TBC1D4: variants seen among roughly 807,000 people sequenced by gnomAD.
TBC1D4 encodes the protein TBC1 domain family member 4, also known as TBC (Tre-2, BUB2, CDC16) domain-containing protein.
TBC1D4 carries 121 observed loss-of-function variants against 142.5 expected under a neutral mutation model. The observed-to-expected ratio is 0.85, with a 90% CI of 0.73 to 0.99. The LOEUF is 0.99. Among genes scored for constraint, TBC1D4 ranks in the 50% least tolerant of loss-of-function variants. The pLI is 0.00. For synonymous variants in TBC1D4, 630 were observed against 628.2 expected (o/e 1.00, Z -0.04); for missense variants, 1,475 against 1,606.6 (o/e 0.92, Z 1.40).
intron 17 of TBC1D4, 98 bp from the exon 18 acceptor site, chr13:75,295,111 T>C: frequency 8.9e-6 from 10 of 1,121,824 alleles, no homozygotes; most frequent in Non-Finnish European, 1.3e-5. Context: ...TAATAACAAA[T>C]TCACATATAT....
intron 4 of TBC1D4, among the ~76,000 whole-genome samples, chr13:75,351,478 TTACATATGTA>T (rs1244308887): frequency 2.0e-5 from 3 of 152,082 alleles, no homozygotes; most frequent in Non-Finnish European, 2.9e-5. Flanking sequence ...TGCAGGTTAG[TTACATATGTA>T]TACATGCGCC....
At chr13:75,304,653 C>T (rs977909774) in intron 15 of TBC1D4, among the ~76,000 whole-genome samples, 8 of 151,932 alleles carry the variant, frequency 5.3e-5, no homozygotes, top group African/African-American at 1.9e-4. Context: ...ATAGGATGCT[C>T]TGGGCTTAAA....
chr13:75,429,704 A>G (rs919723763), intron 1 of TBC1D4, among the ~76,000 whole-genome samples: 4 of 152,208 alleles, frequency 2.6e-5, no homozygotes, highest in African/African-American at 9.6e-5. Context: ...GGAGAAAAGA[A>G]AAAACAAAAC....
chr13:75,459,969 C>T (rs1220071276), intron 1 of TBC1D4, among the ~76,000 whole-genome samples: 1 of 151,914 alleles, frequency 6.6e-6, no homozygotes, highest in African/African-American at 2.4e-5. Flanking sequence ...GGTGAAAACT[C>T]GTCTCTACTA....
chr13:75,449,545 ACACACACACAGACGCG>A (rs1404010612), intron 1 of TBC1D4, among the ~76,000 whole-genome samples: 12 of 151,048 alleles, frequency 7.9e-5, no homozygotes, highest in African/African-American at 2.7e-4. Context: ...ACACACACAC[ACACACACACAGACGCG>A]CACACACACA....
At chr13:75,413,412 G>A (rs1017670157) in intron 1 of TBC1D4, among the ~76,000 whole-genome samples, 6 of 152,028 alleles carry the variant, frequency 3.9e-5, no homozygotes, top group South Asian at 2.1e-4. Context: ...TGCCTGCCTC[G>A]GTCTCCCAAA....
At chr13:75,299,654 C>T in intron 16 of TBC1D4, 80 bp from the exon 17 acceptor site, 1 of 1,523,198 alleles carries the variant, frequency 6.6e-7, no homozygotes, top group Non-Finnish European at 9.0e-7. Flanking sequence ...ATTCAGTGAC[C>T]TCCAAGAATA....
At chr13:75,426,342 G>C (rs1383022257) in intron 1 of TBC1D4, among the ~76,000 whole-genome samples, 2 of 152,172 alleles carry the variant, frequency 1.3e-5, no homozygotes, top group South Asian at 2.1e-4. Flanking sequence ...TAATGTTTAA[G>C]TCACAGATCA....
intron 1 of TBC1D4, among the ~76,000 whole-genome samples, chr13:75,398,607 G>A (rs1884922227): frequency 6.6e-6 from 1 of 152,172 alleles, no homozygotes; most frequent in Non-Finnish European, 1.5e-5. Context: ...TAAAGTATGG[G>A]AGAAGCAAGA....
At chr13:75,358,160 T>C (rs1278276777) in intron 3 of TBC1D4, among the ~76,000 whole-genome samples, 2 of 152,148 alleles carry the variant, frequency 1.3e-5, no homozygotes, top group Non-Finnish European at 2.9e-5. Flanking sequence ...GTATTTGGCA[T>C]AAGGCCCACC....
chr13:75,465,101 T>C (rs1252724019), intron 1 of TBC1D4, among the ~76,000 whole-genome samples: 3 of 152,146 alleles, frequency 2.0e-5, no homozygotes, highest in Non-Finnish European at 1.5e-5. Context: ...CATTTTGCCA[T>C]CCCCATATTA....
At chr13:75,423,293 T>C (rs1886243785) in intron 1 of TBC1D4, among the ~76,000 whole-genome samples, 1 of 152,134 alleles carries the variant, frequency 6.6e-6, no homozygotes, top group African/African-American at 2.4e-5. Context: ...TGGTAAGTTT[T>C]CAGAAAATAT....
chr13:75,465,198 CA>C (rs1373891546), intron 1 of TBC1D4, among the ~76,000 whole-genome samples: 2 of 152,178 alleles, frequency 1.3e-5, no homozygotes, highest in African/African-American at 4.8e-5. Context: ...AGTCGGATTC[CA>C]GAGTCCAGGA....
chr13:75,301,340 C>T (rs1277608376), intron 16 of TBC1D4, among the ~76,000 whole-genome samples: 1 of 151,998 alleles, frequency 6.6e-6, no homozygotes, highest in Non-Finnish European at 1.5e-5. Context: ...ATTTGAAAAT[C>T]AGCATTTAAG....
At chr13:75,333,586 C>A (rs1879945435) in intron 8 of TBC1D4, among the ~76,000 whole-genome samples, 1 of 152,154 alleles carries the variant, frequency 6.6e-6, no homozygotes, top group Admixed American at 6.5e-5. Context: ...AGCTCCACCA[C>A]CCTGAAATAC....
rs1036830202 is a variant in TBC1D4, at chr13:75,293,070, G to A, written c.3317-799C>T. On this transcript the variant is annotated intron_variant, in intron 18 of 20. Transcript: ENST00000377636. ...CTCGGGAGGCTGAGGCAGGAGAATC[G>A]CTCGAACCCAGGAGGCAGAGGTTGC... Among the ~76,000 whole-genome samples, 12 of 152,242 alleles carry A rather than the reference G, an allele frequency of 7.9e-5. No individual in the cohort carries two copies. In the East Asian group the frequency reaches 9.7e-4, roughly 12 times the overall value.
intron 1 of TBC1D4, among the ~76,000 whole-genome samples, chr13:75,426,237 A>T (rs969303727): frequency 6.6e-6 from 1 of 152,174 alleles, no homozygotes; most frequent in African/African-American, 2.4e-5. Flanking sequence ...ACAATGAGAT[A>T]CCACCTCACT....
chr13:75,292,250 G>A lies in TBC1D4; in HGVS notation c.3338C>T (p.Thr1113Ile). Reference sequence around the variant, plus strand: ...GAGTGCAACCTTGAATATAACTTCAGTTCCCTGAAGAAAAATAATATCTAA... The same window carrying A: ...GAGTGCAACCTTGAATATAACTTCAATTCCCTGAAGAAAAATAATATCTAA... The part of the protein sequence containing the change: ...RVFDIIFLQG[T>I]EVIFKVALSL... Residue 1113 changes from threonine to isoleucine, a missense_variant, in exon 19 of 21, where the codon ACT (threonine) becomes ATT (isoleucine). By Grantham distance (89) the Thr-to-Ile change is moderately conservative. Transcript: ENST00000377636. 1 of 1,612,300 alleles carries A rather than the reference G, an allele frequency of 6.2e-7. No homozygotes were observed. The highest frequency in any genetic ancestry group is 2.2e-5 in the East Asian group (1 of 44,774).
intron 1 of TBC1D4, among the ~76,000 whole-genome samples, chr13:75,365,763 G>A (rs1311593869): frequency 6.6e-6 from 1 of 152,108 alleles, no homozygotes; most frequent in Non-Finnish European, 1.5e-5. Flanking sequence ...GAGTTGGGGG[G>A]ATTTTGTTGC....
Sources: gnomAD v4.1 joint callset for allele counts (sites outside exome capture counted in the v4.1 genomes callset) on GRCh38, gnomAD v4.1.1 for gene constraint, MANE v1.5 for transcripts, NCBI Gene and HGNC (gene_info 2026-07-23, HGNC 2026-07-21) for gene names.